The following KLHL5 variants were observed in gnomAD, a reference collection of about 807,000 sequenced individuals.
KLHL5 encodes the protein kelch like family member 5, also known as kelch-like protein 5.
KLHL5 carries 48 observed loss-of-function variants against 77.7 expected under a neutral mutation model. The observed-to-expected ratio is 0.62, with a 90% CI of 0.49 to 0.79. The LOEUF is 0.79. Ranked by LOEUF, KLHL5 falls within the 30% of genes least tolerant of loss-of-function variation. KLHL5 has a pLI of 0.00. For missense variants in KLHL5, 723 were observed against 859.7 expected, an observed-to-expected ratio of 0.84 and a Z score of 1.99; for synonymous variants, 260 against 297.0, an observed-to-expected ratio of 0.88 and a Z score of 1.28.
intron 1 of KLHL5, among the ~76,000 whole-genome samples, chr4:39,048,350 C>T (rs1716357310): frequency 6.6e-6 from 1 of 152,156 alleles, no homozygotes; most frequent in African/African-American, 2.4e-5. Context: ...CAAAATGATA[C>T]CATTCTGAAA....
the KLHL5 span, among the ~76,000 whole-genome samples, chr4:39,136,201 C>T: frequency 1.3e-5 from 2 of 151,980 alleles, no homozygotes; most frequent in Non-Finnish European, 2.9e-5. Flanking sequence ...TTCTCTGTCA[C>T]CCAGGCTGGA....
At chr4:39,069,167 C>T (rs1482935965) in intron 1 of KLHL5, among the ~76,000 whole-genome samples, 1 of 152,072 alleles carries the variant, frequency 6.6e-6, no homozygotes, top group Admixed American at 6.6e-5. Flanking sequence ...GAAGAGAAAA[C>T]ATTAAGCAAG....
In KLHL5 at chr4:39,081,073, T is replaced by A. The variant is rs376185314; in HGVS notation, c.567-30T>A. ...ATGAACATCAACTCGAATGTGGTCATTGATTTTTTTTTTCCTAATGTGTTC... is the reference window on the plus strand; with the variant it reads ...ATGAACATCAACTCGAATGTGGTCAATGATTTTTTTTTTCCTAATGTGTTC... On this transcript the variant is annotated intron_variant, in intron 2 of 10. Transcript: ENST00000504108. The surrounding 1 kb of genome is among the most constrained non-coding windows in gnomAD (Gnocchi z 4.3). 160 of 1,575,912 alleles carry A rather than the reference T, an allele frequency of 1.0e-4. No homozygotes were observed. Among genetic ancestry groups the A allele is most frequent in the Middle Eastern group, 4.6e-4 (2 of 4,330 alleles).
intron 1 of KLHL5, among the ~76,000 whole-genome samples, chr4:39,066,969 C>T (rs1717945514): frequency 6.6e-6 from 1 of 152,178 alleles, no homozygotes; most frequent in South Asian, 2.1e-4. Flanking sequence ...AGATGATACA[C>T]TAAGTTCCTA....
intron 5 of KLHL5, among the ~76,000 whole-genome samples, chr4:39,096,482 G>C (rs28483012): frequency 0.019 from 2,839 of 152,180 alleles, 95 homozygotes; most frequent in African/African-American, 0.064. Context: ...TAAGATTTTA[G>C]AGTATACCAT....
At chr4:39,136,973 A>C in the KLHL5 span, among the ~76,000 whole-genome samples, 2 of 152,142 alleles carry the variant, frequency 1.3e-5, no homozygotes, top group African/African-American at 4.8e-5. Flanking sequence ...GAAATTGGAG[A>C]TTGTTTCCAT....
chr4:39,112,456 C>T, intron 8 of KLHL5, among the ~76,000 whole-genome samples: 1 of 152,028 alleles, frequency 6.6e-6, no homozygotes, highest in East Asian at 1.9e-4. Flanking sequence ...ACTATGTGTC[C>T]CAATTCTGCT....
At chr4:39,079,435 G>A (rs2109368293) in intron 2 of KLHL5, among the ~76,000 whole-genome samples, 1 of 152,306 alleles carries the variant, frequency 6.6e-6, no homozygotes, top group South Asian at 2.1e-4. Context: ...CAGCCACTCA[G>A]AACCTCTTGT....
upstream of KLHL5, chr4:39,062,194 A>G (rs1464714927): frequency 2.0e-6 from 2 of 991,910 alleles, no homozygotes; most frequent in South Asian, 4.0e-5. Flanking sequence ...TGTTTCAGCA[A>G]TGAAAGAGTT....
At chr4:39,080,568 A>T (rs1197550690) in intron 2 of KLHL5, among the ~76,000 whole-genome samples, 1 of 149,330 alleles carries the variant, frequency 6.7e-6, no homozygotes, top group African/African-American at 2.6e-5. Flanking sequence ...TATGACCATT[A>T]AAAACTTAGA....
At chr4:39,053,618 C>T (rs1300889714) in intron 1 of KLHL5, among the ~76,000 whole-genome samples, 1 of 152,040 alleles carries the variant, frequency 6.6e-6, no homozygotes, top group Non-Finnish European at 1.5e-5. Flanking sequence ...ATGTGCTTAA[C>T]ACTGACAAAA....
Position 39,062,942 on chromosome 4 carries a change from C to A in KLHL5, c.290C>A (p.Ala97Glu), listed in dbSNP as rs1214787630. ...TSEVPAFEFT[A>E]EDCGGAHWLD... ...GAAGTCCCTGCATTTGAGTTTACAG[C>A]AGAAGATTGTGGCGGTGCACATTGG... The change falls in exon 1 of 11, where the codon GCA becomes GAA. Residue 97 changes from alanine to glutamate, a missense_variant. Coordinates refer to ENST00000504108, the MANE Select transcript of KLHL5 (RefSeq NM_015990.5). 6.2e-7 allele frequency: 1 copy of A among 1,614,116 alleles called. No homozygotes were observed. Among genetic ancestry groups the A allele is most frequent in the Admixed American group, 1.7e-5 (1 of 60,006 alleles).
intron 1 of KLHL5, among the ~76,000 whole-genome samples, chr4:39,067,893 G>A (rs550995755): frequency 2.6e-4 from 40 of 152,096 alleles, no homozygotes; most frequent in South Asian, 6.2e-4. Flanking sequence ...GCGTTGGCCA[G>A]GCTGGTCTCA....
intron 10 of KLHL5, among the ~76,000 whole-genome samples, chr4:39,116,657 G>A (rs1335150309): frequency 7.5e-5 from 8 of 106,876 alleles, no homozygotes; most frequent in African/African-American, 2.3e-4. Flanking sequence ...ACGTATTGAA[G>A]TATGACTGGT....
rs1220317214 is a variant in KLHL5, at chr4:39,124,847, A to G, written c.*3781A>G. The stretch of plus-strand genomic sequence containing the variant: ...AAAAATCAAAATTAAAAGCTTCTAC[A>G]TATCAAGGGACACTATGAAGAAAGT... On this transcript the variant is annotated 3_prime_UTR_variant, in exon 11 of 11. Transcript: ENST00000504108. Among the ~76,000 whole-genome samples, 4 of 148,678 alleles carry G rather than the reference A, an allele frequency of 2.7e-5. No individual in the cohort carries two copies. The highest frequency in any genetic ancestry group is 3.4e-3 in the Middle Eastern group (1 of 298).
At chr4:39,117,339 G>A (rs182132067) in intron 10 of KLHL5, among the ~76,000 whole-genome samples, 1 of 152,242 alleles carries the variant, frequency 6.6e-6, no homozygotes, top group East Asian at 1.9e-4. Context: ...AAAAGAATGG[G>A]GATGTGTGAA....
chr4:39,110,594 C>T (rs570708651), intron 8 of KLHL5, among the ~76,000 whole-genome samples: 49 of 152,202 alleles, frequency 3.2e-4, no homozygotes, highest in Non-Finnish European at 6.6e-4. Context: ...TCCTGAGTAG[C>T]TGGGACTACA....
intron 7 of KLHL5, among the ~76,000 whole-genome samples, chr4:39,105,926 T>C (rs1722000812): frequency 6.6e-6 from 1 of 152,134 alleles, no homozygotes; most frequent in African/African-American, 2.4e-5. Flanking sequence ...AGGGGTTCTT[T>C]TGGCCCCCAA....
chr4:39,066,204 C>T (rs993531018), intron 1 of KLHL5, among the ~76,000 whole-genome samples: 6 of 152,102 alleles, frequency 3.9e-5, no homozygotes, highest in African/African-American at 1.4e-4. Context: ...GAATTTTAGA[C>T]CTTAAGTAAC....
Sources: gnomAD v4.1 joint callset for allele counts (sites outside exome capture counted in the v4.1 genomes callset) on GRCh38, gnomAD v4.1.1 for gene constraint, Gnocchi (gnomAD v3.1) non-coding constraint, MANE v1.5 for transcripts, NCBI Gene and HGNC (gene_info 2026-07-23, HGNC 2026-07-21) for gene names.